The following DGKG variants were observed in gnomAD, a reference collection of about 807,000 sequenced individuals.
DGKG encodes diacylglycerol kinase gamma.
Under a neutral mutation model 105.3 loss-of-function variants are expected in DGKG, and 78 were observed. That is an observed-to-expected ratio of 0.74 (90% CI 0.62 to 0.89). The LOEUF is 0.89. Among genes scored for constraint, DGKG ranks in the 40% least tolerant of loss-of-function variants. The pLI is 0.00. For synonymous variants in DGKG, 346 were observed against 367.1 expected (o/e 0.94, Z 0.66); for missense variants, 958 against 1,020.1 (o/e 0.94, Z 0.83).
At chr3:186,334,364 G>A (rs1157862260) in intron 1 of DGKG, among the ~76,000 whole-genome samples, 2 of 152,162 alleles carry the variant, frequency 1.3e-5, no homozygotes, top group African/African-American at 4.8e-5. Context: ...ACTGATGGAG[G>A]GTGGATTTAC....
chr3:186,209,122 G>A (rs1162821622), intron 21 of DGKG, among the ~76,000 whole-genome samples: 1 of 120,804 alleles, frequency 8.3e-6, no homozygotes, highest in East Asian at 2.1e-4. Context: ...TTTTTAAGAC[G>A]GCGTCTTTCT....
chr3:186,347,470 A>AAC (rs1726401726), intron 1 of DGKG, among the ~76,000 whole-genome samples: 1 of 149,904 alleles, frequency 6.7e-6, no homozygotes. Context: ...AAAAAAAAAA[A>AAC]GGAAATGATT....
intron 24 of DGKG, chr3:186,158,672 T>A: frequency 2.1e-6 from 2 of 954,702 alleles, no homozygotes; most frequent in Non-Finnish European, 2.5e-6. Context: ...AAGCATTTAT[T>A]TTTTTGCTAC....
intron 22 of DGKG, among the ~76,000 whole-genome samples, chr3:186,184,563 C>T (rs1281331164): frequency 6.6e-6 from 1 of 152,006 alleles, no homozygotes; most frequent in African/African-American, 2.4e-5. Flanking sequence ...CCATGCCTGG[C>T]TAATTTTTGT....
intron 24 of DGKG, among the ~76,000 whole-genome samples, chr3:186,155,378 C>T (rs1188489662): frequency 1.3e-5 from 2 of 151,972 alleles, no homozygotes; most frequent in Non-Finnish European, 2.9e-5. Context: ...ATTTTCAGTA[C>T]AGACGAGGTT....
intron 20 of DGKG, among the ~76,000 whole-genome samples, chr3:186,222,445 A>G (rs1171710442): frequency 6.6e-6 from 1 of 152,248 alleles, no homozygotes; most frequent in Non-Finnish European, 1.5e-5. Context: ...CTTACCTGCC[A>G]TGTGACCTTG....
chr3:186,287,750 T>C (rs892728040), intron 6 of DGKG, among the ~76,000 whole-genome samples: 7 of 152,248 alleles, frequency 4.6e-5, no homozygotes, highest in African/African-American at 1.7e-4. Context: ...ATGGGAGAGA[T>C]TTTAAGCTCA....
chr3:186,282,322 T>C (rs779414806), intron 7 of DGKG, among the ~76,000 whole-genome samples: 3 of 152,346 alleles, frequency 2.0e-5, no homozygotes, highest in East Asian at 1.9e-4. Flanking sequence ...AGCAGTGGAA[T>C]GGCTGTCTTA....
chr3:186,265,912 C>T (rs1000444457), intron 13 of DGKG, among the ~76,000 whole-genome samples: 39 of 152,022 alleles, frequency 2.6e-4, no homozygotes, highest in African/African-American at 6.8e-4. Flanking sequence ...CCTCGTGATC[C>T]GCTGGCCTCA....
intron 24 of DGKG, among the ~76,000 whole-genome samples, chr3:186,157,865 G>A (rs1716113385): frequency 6.6e-6 from 1 of 152,046 alleles, no homozygotes; most frequent in African/African-American, 2.4e-5. Flanking sequence ...ACCATGCCTG[G>A]CTAATTTTTG....
At chr3:186,345,496 G>A (rs982453676) in intron 1 of DGKG, among the ~76,000 whole-genome samples, 2 of 152,036 alleles carry the variant, frequency 1.3e-5, no homozygotes, top group Non-Finnish European at 2.9e-5. Context: ...CATAGAGTTT[G>A]TTTTCTTAGA....
At chr3:186,177,186 T>C (rs1717123887) in intron 22 of DGKG, among the ~76,000 whole-genome samples, 1 of 152,232 alleles carries the variant, frequency 6.6e-6, no homozygotes, top group Non-Finnish European at 1.5e-5. Flanking sequence ...AAACTGCACA[T>C]GACTCTCAGA....
At position 186,231,217 on chromosome 3, in the gene DGKG, A is replaced by C. The variant is rs1156613231; in HGVS notation, c.1826+11287T>G. ...ATTTTGGATAACTTGTGGTTTTCTCATGGGCCCTTTAATCATATCTATGGC... is the reference window on the plus strand; with the variant it reads ...ATTTTGGATAACTTGTGGTTTTCTCCTGGGCCCTTTAATCATATCTATGGC... On this transcript the variant is annotated intron_variant, in intron 20 of 24. Transcript: ENST00000265022. The surrounding 1 kb of genome is among the most constrained non-coding windows in gnomAD (Gnocchi z 4.5). 6.6e-6 allele frequency among the ~76,000 whole-genome samples: 1 copy of C among 152,078 alleles called. No homozygotes were observed. Among genetic ancestry groups the C allele is most frequent in the African/African-American group, 2.4e-5 (1 of 41,394 alleles).
chr3:186,316,115 G>A (rs565007847), intron 2 of DGKG, among the ~76,000 whole-genome samples: 59 of 152,348 alleles, frequency 3.9e-4, no homozygotes, highest in Non-Finnish European at 3.5e-4. Flanking sequence ...CATGACGGAT[G>A]GTCTAAGTCC....
chr3:186,331,849 A>G (rs545200914), intron 1 of DGKG, among the ~76,000 whole-genome samples: 1 of 152,364 alleles, frequency 6.6e-6, no homozygotes, highest in African/African-American at 2.4e-5. Flanking sequence ...TATAGATTGC[A>G]ACACATCTTG....
chr3:186,264,965 A>T (rs1202045700), intron 14 of DGKG, among the ~76,000 whole-genome samples: 1 of 152,262 alleles, frequency 6.6e-6, no homozygotes, highest in Non-Finnish European at 1.5e-5. Context: ...TATTTAGGAC[A>T]TCTGCATATT....
At chr3:186,220,375 A>G (rs1234482792) in intron 20 of DGKG, among the ~76,000 whole-genome samples, 2 of 152,126 alleles carry the variant, frequency 1.3e-5, no homozygotes, top group Admixed American at 6.5e-5. Context: ...TTCTCACGGT[A>G]CAGCTTAGGA....
Position 186,149,409 on chromosome 3 carries a change from T to C in DGKG, c.*681A>G, listed in dbSNP as rs532265619. ...TCTTGGAGCCGCCTCTAAGCAAACA[T>C]GTAGACACCAGGAGAAGGTTCCTGG... On this transcript the variant is annotated 3_prime_UTR_variant, in exon 25 of 25. Transcript: ENST00000265022. 1.5e-5 allele frequency: 15 copies of C among 985,326 alleles called. No individual in the cohort carries two copies. In the African/African-American group the frequency reaches 2.1e-4, roughly 14 times the overall value. 61.0% of individuals were successfully genotyped at this position (985,326 alleles called of 1,614,324 possible).
At chr3:186,300,238 T>C (rs1723858098) in intron 3 of DGKG, among the ~76,000 whole-genome samples, 2 of 152,190 alleles carry the variant, frequency 1.3e-5, no homozygotes, top group Admixed American at 1.3e-4. Context: ...TGCAAGTATG[T>C]TAAATGTCCA....
Sources: gnomAD v4.1 joint callset for allele counts (sites outside exome capture counted in the v4.1 genomes callset) on GRCh38, gnomAD v4.1.1 for gene constraint, Gnocchi (gnomAD v3.1) non-coding constraint, MANE v1.5 for transcripts, NCBI Gene and HGNC (gene_info 2026-07-23, HGNC 2026-07-21) for gene names.